Variants in GRM7 observed in about 807,000 individuals in gnomAD.
GRM7 encodes the protein glutamate metabotropic receptor 7, also known as metabotropic glutamate receptor 7.
GRM7 carries 35 observed loss-of-function variants against 84.5 expected under a neutral mutation model. The ratio of observed to expected loss-of-function variants is 0.41; its 90% CI spans 0.32 to 0.55. The LOEUF is 0.55. Ranked by LOEUF, GRM7 falls within the 20% of genes least tolerant of loss-of-function variation. GRM7 has a pLI of 0.19. For missense variants in GRM7, 1,003 were observed against 1,194.6 expected (o/e 0.84, Z 2.36); for synonymous variants, 487 against 455.1 (o/e 1.07, Z -0.89).
intron 1 of GRM7, among the ~76,000 whole-genome samples, chr3:6,911,701 C>T (rs889362480): frequency 1.3e-5 from 2 of 152,238 alleles, no homozygotes; most frequent in Admixed American, 6.6e-5. Flanking sequence ...AAAACTTCTA[C>T]TTTAGCTCTT....
intron 2 of GRM7, among the ~76,000 whole-genome samples, chr3:7,169,586 A>C (rs1694916650): frequency 6.6e-6 from 1 of 152,224 alleles, no homozygotes; most frequent in Non-Finnish European, 1.5e-5. Context: ...ATAGCGATGA[A>C]GGCAGCTAGA....
intron 7 of GRM7, among the ~76,000 whole-genome samples, chr3:7,569,229 T>TG (rs1694515775): frequency 6.6e-6 from 1 of 152,086 alleles, no homozygotes; most frequent in Non-Finnish European, 1.5e-5. Flanking sequence ...ACTACTCTGG[T>TG]GGGGACTTGG....
At chr3:7,300,128 C>G (rs1699947065) in intron 3 of GRM7, among the ~76,000 whole-genome samples, 1 of 152,038 alleles carries the variant, frequency 6.6e-6, no homozygotes, top group South Asian at 2.1e-4. Context: ...TGTGAAAGAG[C>G]TGTTTATGTG....
At chr3:7,038,399 G>T (rs75812559) in intron 1 of GRM7, among the ~76,000 whole-genome samples, 13 of 152,110 alleles carry the variant, frequency 8.5e-5, no homozygotes, top group African/African-American at 3.1e-4. Context: ...GCTTGATTCC[G>T]CTTTCCCTTT....
At chr3:7,357,372 C>T (rs1245484952) in intron 4 of GRM7, among the ~76,000 whole-genome samples, 2 of 151,988 alleles carry the variant, frequency 1.3e-5, no homozygotes, top group Non-Finnish European at 2.9e-5. Flanking sequence ...CTCTTAATTA[C>T]AATCACTTTT....
intron 8 of GRM7, among the ~76,000 whole-genome samples, chr3:7,669,918 A>G (rs1204466713): frequency 6.8e-6 from 1 of 147,046 alleles, no homozygotes; most frequent in East Asian, 1.9e-4. Flanking sequence ...TTTTGTCAAC[A>G]GTGCAACAGT....
intron 6 of GRM7, among the ~76,000 whole-genome samples, chr3:7,455,126 G>C (rs1179218121): frequency 1.3e-5 from 2 of 152,074 alleles, no homozygotes; most frequent in Non-Finnish European, 2.9e-5. Context: ...TGGGACCCCA[G>C]TGGATTATAA....
intron 1 of GRM7, among the ~76,000 whole-genome samples, chr3:6,947,805 T>G (rs1215866219): frequency 6.6e-6 from 1 of 152,196 alleles, no homozygotes; most frequent in Non-Finnish European, 1.5e-5. Context: ...GTCGAGGAAT[T>G]TATGCATTTC....
At chr3:7,594,865 C>A (rs1695963739) in intron 8 of GRM7, among the ~76,000 whole-genome samples, 1 of 152,074 alleles carries the variant, frequency 6.6e-6, no homozygotes, top group African/African-American at 2.4e-5. Flanking sequence ...CAACTTCTTA[C>A]AAGGTTGAAA....
chr3:7,602,426 A>G (rs1696359725), intron 8 of GRM7, among the ~76,000 whole-genome samples: 1 of 152,164 alleles, frequency 6.6e-6, no homozygotes, highest in South Asian at 2.1e-4. Flanking sequence ...CTCTCTGATT[A>G]TCATCTACTG....
chr3:7,462,097 TTTA>T (rs1473223836), intron 7 of GRM7, among the ~76,000 whole-genome samples: 7 of 152,166 alleles, frequency 4.6e-5, no homozygotes, highest in Admixed American at 4.6e-4. Flanking sequence ...TACTGATATT[TTTA>T]TTATTATTTT....
intron 8 of GRM7, among the ~76,000 whole-genome samples, chr3:7,587,195 C>T (rs1386934228): frequency 2.0e-5 from 3 of 152,172 alleles, no homozygotes; most frequent in Non-Finnish European, 4.4e-5. Context: ...CTCTTTCTCC[C>T]CTCTTCCTCT....
chr3:7,578,509 A>T lies in GRM7; in HGVS notation c.1603A>T (p.Thr535Ser). 6.2e-7 allele frequency: 1 copy of T among 1,613,870 alleles called. No homozygotes were observed. The highest frequency in any genetic ancestry group is 8.5e-7 in the Non-Finnish European group (1 of 1,179,772). ...ATGTAAGCCAGGACAGAGAAAGAAG[A>T]CACAGAAAGGAACTCCTTGCTGTTG... ...LPCKPGQRKK[T>S]QKGTPCCWTC... Residue 535 changes from threonine to serine, a missense_variant, in exon 8 of 10, where the codon ACA (threonine) becomes TCA (serine). Physicochemically the swap from Thr to Ser is moderately conservative, Grantham distance 58. Transcript: ENST00000357716.
chr3:7,595,148 CAA>C (rs1442394246), intron 8 of GRM7, among the ~76,000 whole-genome samples: 1 of 152,164 alleles, frequency 6.6e-6, no homozygotes, highest in African/African-American at 2.4e-5. Context: ...ACAACATTGA[CAA>C]AGTTAGTGCT....
chr3:7,327,641 G>A (rs955349609), intron 4 of GRM7, among the ~76,000 whole-genome samples: 2 of 152,130 alleles, frequency 1.3e-5, no homozygotes, highest in South Asian at 2.1e-4. Flanking sequence ...CCTAAAATTG[G>A]AAGGCAGTTG....
Position 6,863,104 on chromosome 3 carries a change from T to C in GRM7, c.519+1197T>C. The C allele has an allele frequency of 2.6e-6, 1 of 385,300 alleles. No homozygotes were observed. Among genetic ancestry groups the C allele is most frequent in the Non-Finnish European group, 5.1e-6 (1 of 195,616 alleles). The allele number at this position is 385,300 out of a possible 1,614,324, so 23.9% of individuals were successfully genotyped here. A position where few individuals can be genotyped will look rare whatever the true frequency, so the allele number is the denominator to read the frequency against. ...TCCCTATATGTGCATCACTCTCTCT[T>C]TCTGTCTCTGTCTCCTTGCTGTTTT... On this transcript the variant is annotated intron_variant, in intron 1 of 9. Transcript: ENST00000357716. The surrounding 1 kb of genome is among the most constrained non-coding windows in gnomAD (Gnocchi z 4.8).
chr3:7,535,057 C>G (rs1212716625), intron 7 of GRM7, among the ~76,000 whole-genome samples: 1 of 152,094 alleles, frequency 6.6e-6, no homozygotes, highest in Non-Finnish European at 1.5e-5. Flanking sequence ...GGTGTTACAT[C>G]CAGAAATGAC....
At chr3:7,733,313 A>G (rs1702391735) in intron 9 of GRM7, among the ~76,000 whole-genome samples, 1 of 152,190 alleles carries the variant, frequency 6.6e-6, no homozygotes. Context: ...GCGAAAGGAA[A>G]GCTCTCAGCA....
intron 2 of GRM7, among the ~76,000 whole-genome samples, chr3:7,245,061 C>T (rs77550629): frequency 0.013 from 1,936 of 151,832 alleles, 46 homozygotes; most frequent in African/African-American, 0.045. Context: ...GGATTAATGG[C>T]GTACTGGATA....
Sources: gnomAD v4.1 joint callset for allele counts (sites outside exome capture counted in the v4.1 genomes callset) on GRCh38, gnomAD v4.1.1 for gene constraint, Gnocchi (gnomAD v3.1) non-coding constraint, MANE v1.5 for transcripts, NCBI Gene and HGNC (gene_info 2026-07-23, HGNC 2026-07-21) for gene names.